The following NALF1 variants were observed in gnomAD, a reference collection of about 807,000 sequenced individuals.
NALF1 encodes family with sequence similarity 155 member A.
NALF1 carries 3 observed loss-of-function variants against 48.4 expected under a neutral mutation model. The ratio of observed to expected loss-of-function variants is 0.06; its 90% confidence interval spans 0.03 to 0.16. NALF1 has a LOEUF of 0.16. Ranked by LOEUF, NALF1 falls within the 10% of genes least tolerant of loss-of-function variation. The pLI, the probability that NALF1 is intolerant of heterozygous loss-of-function variation, is 1.00. For missense variants in NALF1, 526 were observed against 571.5 expected (o/e 0.92, Z 0.81); for synonymous variants, 262 against 245.7 (o/e 1.07, Z -0.62).
At chr13:107,337,443 G>T (rs1036391978) in intron 1 of NALF1, among the ~76,000 whole-genome samples, 1 of 151,920 alleles carries the variant, frequency 6.6e-6, no homozygotes, top group East Asian at 1.9e-4. Flanking sequence ...ATTCTTCAGG[G>T]AGTTGAGGTG....
intron 1 of NALF1, among the ~76,000 whole-genome samples, chr13:107,447,385 C>A (rs1435204236): frequency 6.6e-6 from 1 of 152,126 alleles, no homozygotes; most frequent in Non-Finnish European, 1.5e-5. Flanking sequence ...TTAATTCCAT[C>A]TCTCCTTTCT....
rs1179580479 is a variant in NALF1 at position 107,711,232 on chromosome 13, A to G, written c.915+154450T>C. Among the ~76,000 whole-genome samples, 4 of 152,200 alleles carry G rather than the reference A, an allele frequency of 2.6e-5. No homozygotes were observed. The East Asian group carries it at 7.7e-4, about 29-fold the overall frequency. ...TCACAGTGTTACCCACACGTGCCAA[A>G]AGAGTGCCCTTTTTCCAGTAGAGAT... On this transcript the variant is annotated intron_variant, in intron 1 of 2. Coordinates refer to ENST00000375915, the MANE Select transcript of NALF1 (RefSeq NM_001080396.3).
intron 1 of NALF1, among the ~76,000 whole-genome samples, chr13:107,538,302 G>C (rs916358695): frequency 6.6e-6 from 1 of 152,020 alleles, no homozygotes; most frequent in Non-Finnish European, 1.5e-5. Context: ...TACCTTCTCT[G>C]TAAGTCTTTC....
intron 1 of NALF1, among the ~76,000 whole-genome samples, chr13:107,346,277 ATAT>A (rs773115208): frequency 6.6e-6 from 1 of 152,196 alleles, no homozygotes; most frequent in Admixed American, 6.5e-5. Context: ...ACTTCTGGGT[ATAT>A]ATCCAAAAGA....
intron 1 of NALF1, among the ~76,000 whole-genome samples, chr13:107,601,019 G>A (rs371352194): frequency 3.2e-5 from 1 of 31,386 alleles, no homozygotes; most frequent in African/African-American, 1.9e-4. Context: ...ATAAGTCACG[G>A]TAGGTCTTCC....
chr13:107,510,961 G>A (rs531953746), intron 1 of NALF1, among the ~76,000 whole-genome samples: 2 of 152,214 alleles, frequency 1.3e-5, no homozygotes, highest in East Asian at 3.9e-4. Context: ...CCCATCCTAT[G>A]TTCTGCTTCC....
At chr13:107,388,714 G>C (rs944763545) in intron 1 of NALF1, among the ~76,000 whole-genome samples, 1 of 152,152 alleles carries the variant, frequency 6.6e-6, no homozygotes, top group African/African-American at 2.4e-5. Context: ...AGGGAATTGA[G>C]CCTGCATAGC....
chr13:107,427,185 TAAG>T (rs1243210165), intron 1 of NALF1, among the ~76,000 whole-genome samples: 1 of 151,614 alleles, frequency 6.6e-6, no homozygotes, highest in Admixed American at 6.6e-5. Context: ...ACACAGAAAT[TAAG>T]TAGTTAAAAT....
intron 1 of NALF1, among the ~76,000 whole-genome samples, chr13:107,436,290 C>T (rs556777689): frequency 1.3e-5 from 2 of 152,232 alleles, no homozygotes; most frequent in Admixed American, 1.3e-4. Context: ...AAACAATTTA[C>T]AAAACATCTC....
chr13:107,284,663 C>A (rs569645142), intron 1 of NALF1, among the ~76,000 whole-genome samples: 2 of 152,024 alleles, frequency 1.3e-5, no homozygotes, highest in African/African-American at 4.8e-5. Flanking sequence ...GGTTTAGATG[C>A]GGTCATAAAG....
At chr13:107,183,980 T>C (rs572770489) in intron 2 of NALF1, among the ~76,000 whole-genome samples, 54 of 152,158 alleles carry the variant, frequency 3.5e-4, no homozygotes, top group African/African-American at 1.2e-3. Flanking sequence ...TTTTCTTTTT[T>C]TTTTTATTTT....
At chr13:107,346,372 A>G (rs1882773315) in intron 1 of NALF1, among the ~76,000 whole-genome samples, 1 of 152,220 alleles carries the variant, frequency 6.6e-6, no homozygotes, top group African/African-American at 2.4e-5. Flanking sequence ...GGCAGACGCC[A>G]CCTAAATGTA....
intron 1 of NALF1, among the ~76,000 whole-genome samples, chr13:107,317,913 T>A (rs1027180576): frequency 1.3e-5 from 2 of 151,758 alleles, no homozygotes; most frequent in Non-Finnish European, 2.9e-5. Flanking sequence ...AACTAACAAA[T>A]GAGTAGAGCA....
intron 1 of NALF1, among the ~76,000 whole-genome samples, chr13:107,249,956 T>C (rs1412123929): frequency 6.6e-6 from 1 of 152,114 alleles, no homozygotes; most frequent in Non-Finnish European, 1.5e-5. Context: ...TCAACCTTCC[T>C]TAGTATCACT....
Position 107,739,478 on chromosome 13 carries a change from G to A in NALF1, c.915+126204C>T, listed in dbSNP as rs191092805. ...ACATGTGTATATAAAATCTGGCTGC[G>A]GAGTTTTTGATCTATACATTGAACA... is the stretch of plus-strand genomic sequence containing the variant. On this transcript the variant is annotated intron_variant, in intron 1 of 2. Transcript: ENST00000375915. 2.8e-3 allele frequency among the ~76,000 whole-genome samples: 423 copies of A among 149,532 alleles called. 2 individuals are homozygous for A. The highest frequency in any genetic ancestry group is 9.9e-3 in the African/African-American group (404 of 40,792).
In NALF1 at chr13:107,667,278, A is replaced by T. The variant is rs145917005; in HGVS notation, c.915+198404T>A. Among the ~76,000 whole-genome samples, 186 of 152,098 alleles carry T rather than the reference A, an allele frequency of 1.2e-3. 2 individuals are homozygous for T. Among genetic ancestry groups the T allele is most frequent in the African/African-American group, 4.3e-3 (177 of 41,530 alleles). ...TGAGAACCCCAATACCCATAAACAC[A>T]CTAAAAATTAAATGCTGATATGTCC... On this transcript the variant is annotated intron_variant, in intron 1 of 2. Transcript: ENST00000375915.
chr13:107,263,443 G>A (rs78468891), intron 1 of NALF1, among the ~76,000 whole-genome samples: 147 of 151,978 alleles, frequency 9.7e-4, no homozygotes, highest in East Asian at 7.8e-3. Flanking sequence ...TGGTTGATAC[G>A]GTTTGGCTGT....
chr13:107,647,113 T>A (rs1405727412), intron 1 of NALF1, among the ~76,000 whole-genome samples: 1 of 152,048 alleles, frequency 6.6e-6, no homozygotes, highest in Admixed American at 6.6e-5. Flanking sequence ...TGATATTATA[T>A]GTAATCAGTG....
At chr13:107,617,993 A>G (rs1879425837) in intron 1 of NALF1, among the ~76,000 whole-genome samples, 1 of 152,236 alleles carries the variant, frequency 6.6e-6, no homozygotes, top group South Asian at 2.1e-4. Context: ...TTATTGAGAT[A>G]GTCCACAATG....
Sources: allele counts gnomAD v4.1 joint callset (sites outside exome capture counted in the v4.1 genomes callset), GRCh38; gene constraint gnomAD v4.1.1; transcripts MANE v1.5; gene names NCBI Gene and HGNC (gene_info 2026-07-23, HGNC 2026-07-21).